Variants in DYRK1A observed in about 807,000 individuals in gnomAD.
The protein encoded by DYRK1A is dual specificity tyrosine phosphorylation regulated kinase 1A, also known as dual specificity tyrosine-phosphorylation-regulated kinase 1A.
DYRK1A carries 9 observed loss-of-function variants against 79.7 expected under a neutral mutation model. The ratio of observed to expected loss-of-function variants is 0.11; its 90% CI spans 0.07 to 0.20. The LOEUF (loss-of-function observed/expected upper bound fraction) is 0.20, where lower values mean the gene tolerates loss of function less well. DYRK1A is among the 10% of genes least tolerant of loss of function. The pLI, the probability that DYRK1A is intolerant of heterozygous loss-of-function variation, is 1.00. For missense variants in DYRK1A, 622 were observed against 956.0 expected, an observed-to-expected ratio of 0.65 and a Z score of 4.61; for synonymous variants, 349 against 329.7, an observed-to-expected ratio of 1.06 and a Z score of -0.63.
In DYRK1A at chr21:37,508,552, G is replaced by A. The variant is rs138959929; in HGVS notation, c.1644+2329G>A. 1.1e-4 allele frequency among the ~76,000 whole-genome samples: 17 copies of A among 152,320 alleles called. No homozygotes were observed. The East Asian group carries it at 2.5e-3, about 22-fold the overall frequency. ...TCTGGCCATCTCGGCCTCCCAAAGT[G>A]TGGGGATTACAGGCATGAGCCACTG... is the stretch of plus-strand genomic sequence containing the variant. On this transcript the variant is annotated intron_variant, in intron 11 of 11. Coordinates refer to ENST00000647188, the MANE Select transcript of DYRK1A (RefSeq NM_001347721.2).
At chr21:37,446,769 T>C (rs1263587569) in intron 2 of DYRK1A, among the ~76,000 whole-genome samples, 2 of 152,146 alleles carry the variant, frequency 1.3e-5, no homozygotes, top group Non-Finnish European at 1.5e-5. Flanking sequence ...AATGGACTTT[T>C]CTGTTTATCA....
chr21:37,490,978 TA>T (rs1206730793), intron 7 of DYRK1A, among the ~76,000 whole-genome samples: 1 of 152,130 alleles, frequency 6.6e-6, no homozygotes, highest in Non-Finnish European at 1.5e-5. Context: ...TGGATCAAGA[TA>T]AATCTTTTTT....
At chr21:37,388,449 T>C (rs557226271) in intron 1 of DYRK1A, among the ~76,000 whole-genome samples, 2 of 152,298 alleles carry the variant, frequency 1.3e-5, no homozygotes, top group African/African-American at 4.8e-5. Context: ...TTTTAATGTG[T>C]ATCTGTAAAA....
chr21:37,421,731 T>C (rs2050482353), intron 2 of DYRK1A: 1 of 152,090 alleles, frequency 6.6e-6, no homozygotes, highest in South Asian at 2.1e-4. Flanking sequence ...TTTATGCACA[T>C]TTTTTTGTTG....
At chr21:37,457,040 A>AC (rs879364665) in intron 2 of DYRK1A, among the ~76,000 whole-genome samples, 10,172 of 42,040 alleles carry the variant, frequency 0.24, 413 homozygotes, top group East Asian at 0.48. Flanking sequence ...TTACTTACTT[A>AC]TTTATTTATT....
At chr21:37,382,883 C>T (rs957530936) in intron 1 of DYRK1A, among the ~76,000 whole-genome samples, 4 of 152,178 alleles carry the variant, frequency 2.6e-5, no homozygotes, top group African/African-American at 9.7e-5. Context: ...AACCCATTAA[C>T]TGAAGAAATA....
intron 1 of DYRK1A, among the ~76,000 whole-genome samples, chr21:37,392,510 C>T (rs981850734): frequency 2.6e-5 from 4 of 152,192 alleles, no homozygotes; most frequent in Non-Finnish European, 5.9e-5. Context: ...GCTGAGAAGT[C>T]CATATCAAGG....
At chr21:37,462,714 C>G (rs2051883588) in intron 2 of DYRK1A, among the ~76,000 whole-genome samples, 1 of 152,182 alleles carries the variant, frequency 6.6e-6, no homozygotes, top group South Asian at 2.1e-4. Flanking sequence ...CCTTCTGTCT[C>G]TGCAGCACAG....
At chr21:37,495,991 G>T (rs1183164262) in intron 8 of DYRK1A, 127 bp from the exon 9 acceptor site, 5 of 831,416 alleles carry the variant, frequency 6.0e-6, no homozygotes, top group African/African-American at 3.5e-5. Flanking sequence ...ATTACTGTAT[G>T]CTGGATGTCT....
intron 4 of DYRK1A, among the ~76,000 whole-genome samples, chr21:37,479,625 T>TTTTTTTTG (rs2052560256): frequency 1.0e-5 from 1 of 97,536 alleles, no homozygotes; most frequent in African/African-American, 5.6e-5. Context: ...TTTTGTTTTT[T>TTTTTTTTG]TTTTTTTTTT....
chr21:37,376,091 G>C (rs554926534), intron 1 of DYRK1A, among the ~76,000 whole-genome samples: 27 of 152,186 alleles, frequency 1.8e-4, no homozygotes, highest in African/African-American at 5.3e-4. Flanking sequence ...CACTGGGAGT[G>C]GTCAAAGGGG....
intron 1 of DYRK1A, among the ~76,000 whole-genome samples, chr21:37,392,438 A>G (rs2049887815): frequency 6.6e-6 from 1 of 152,254 alleles, no homozygotes; most frequent in Non-Finnish European, 1.5e-5. Flanking sequence ...GTGCTGCTCT[A>G]ACAAAATACC....
chr21:37,496,155 T>A lies in DYRK1A; in HGVS notation c.1109T>A (p.Ile370Asn). The A allele has an allele frequency of 1.2e-6, 2 of 1,613,878 alleles. No individual in the cohort carries two copies. Among genetic ancestry groups the A allele is most frequent in the South Asian group, 2.2e-5 (2 of 90,960 alleles). Residue 370 changes from isoleucine (I) to asparagine (N), a missense_variant, in exon 9 of 12, where the codon ATT (isoleucine) becomes AAT (asparagine). By Grantham distance (149) the Ile-to-Asn change is moderately radical. Coordinates refer to ENST00000647188, the MANE Select transcript of DYRK1A (RefSeq NM_001347721.2). ...AATAAAATAGTGGAAGTTCTGGGTA[T>A]TCCACCTGCTCATATTCTTGACCAA... ...QMNKIVEVLGIPPAHILDQAP... is the reference protein window; with the variant it reads ...QMNKIVEVLGNPPAHILDQAP...
chr21:37,458,939 G>A (rs2051749578), intron 2 of DYRK1A, among the ~76,000 whole-genome samples: 2 of 152,198 alleles, frequency 1.3e-5, no homozygotes, highest in South Asian at 2.1e-4. Context: ...GACTGAGAGT[G>A]GGAAGTGGCA....
At chr21:37,379,782 T>C (rs1176130991) in intron 1 of DYRK1A, among the ~76,000 whole-genome samples, 1 of 151,958 alleles carries the variant, frequency 6.6e-6, no homozygotes, top group African/African-American at 2.4e-5. Flanking sequence ...TCATATTCTC[T>C]TTATTTTTTC....
At chr21:37,416,312 T>C (rs1263635049) in intron 1 of DYRK1A, among the ~76,000 whole-genome samples, 1 of 146,798 alleles carries the variant, frequency 6.8e-6, no homozygotes, top group Non-Finnish European at 1.5e-5. Context: ...GTCTTGTGTT[T>C]TGGCCTTTTT....
At chr21:37,506,492 C>T (rs903979116) in intron 11 of DYRK1A, 12 of 967,070 alleles carry the variant, frequency 1.2e-5, no homozygotes, top group African/African-American at 1.7e-5. Flanking sequence ...ACCAAAGCAG[C>T]GTTTTGAGCC....
intron 3 of DYRK1A, among the ~76,000 whole-genome samples, chr21:37,473,509 TTTTGG>T (rs2052298043): frequency 6.6e-6 from 1 of 152,082 alleles, no homozygotes; most frequent in Non-Finnish European, 1.5e-5. Flanking sequence ...CTACGTTGAG[TTTTGG>T]TTTGGGAGAC....
chr21:37,474,087 C>T (rs567164368), intron 3 of DYRK1A, among the ~76,000 whole-genome samples: 8 of 152,248 alleles, frequency 5.3e-5, no homozygotes, highest in East Asian at 1.9e-4. Context: ...GAAAGGACTG[C>T]GCTCCCATTT....
Sources: allele counts gnomAD v4.1 joint callset (sites outside exome capture counted in the v4.1 genomes callset), GRCh38; gene constraint gnomAD v4.1.1; transcripts MANE v1.5; gene names NCBI Gene and HGNC (gene_info 2026-07-23, HGNC 2026-07-21).